The following RPS6KA2 variants were observed in gnomAD, a reference collection of about 807,000 sequenced individuals.
RPS6KA2 encodes ribosomal protein S6 kinase alpha-2.
In RPS6KA2, 42 loss-of-function variants were observed where a neutral mutation model predicts 91.8. The observed-to-expected ratio is 0.46, with a 90% CI of 0.36 to 0.59. The LOEUF is 0.59. RPS6KA2 is among the 20% of genes least tolerant of loss of function. The pLI is 0.00. For missense variants in RPS6KA2, 798 were observed against 978.5 expected (o/e 0.82, Z 2.46); for synonymous variants, 414 against 393.6 (o/e 1.05, Z -0.61).
intron 2 of RPS6KA2, among the ~76,000 whole-genome samples, chr6:166,722,549 C>G (rs78971160): frequency 0.14 from 21,606 of 152,262 alleles, 1,638 homozygotes; most frequent in Admixed American, 0.18. Context: ...ACTTCCAAGA[C>G]TGGTGGCTGC....
chr6:166,463,222 T>A (rs1345392358), intron 11 of RPS6KA2: 1 of 152,260 alleles, frequency 6.6e-6, no homozygotes, highest in Non-Finnish European at 1.5e-5. Context: ...TAAGAACGGG[T>A]TTGAGGCTTT....
chr6:166,651,054 G>A (rs934169164), intron 2 of RPS6KA2, among the ~76,000 whole-genome samples: 5 of 152,212 alleles, frequency 3.3e-5, no homozygotes, highest in Non-Finnish European at 5.9e-5. Context: ...GACCCTGCCT[G>A]TCCAGCTGTG....
At chr6:166,532,946 G>C (rs925599262) in intron 2 of RPS6KA2, among the ~76,000 whole-genome samples, 1 of 152,162 alleles carries the variant, frequency 6.6e-6, no homozygotes, top group Non-Finnish European at 1.5e-5. Context: ...ACTGTGGTGG[G>C]AGACACAGGC....
intron 2 of RPS6KA2, among the ~76,000 whole-genome samples, chr6:166,728,867 A>G (rs1317484866): frequency 3.9e-5 from 6 of 152,216 alleles, no homozygotes; most frequent in Admixed American, 3.3e-4. Flanking sequence ...GGAAACAATC[A>G]TTTTAGTGTG....
intron 11 of RPS6KA2, among the ~76,000 whole-genome samples, chr6:166,469,550 AG>A (rs1562516209): frequency 6.6e-6 from 1 of 152,146 alleles, no homozygotes; most frequent in Non-Finnish European, 1.5e-5. Flanking sequence ...GAGTGGGTGC[AG>A]GGAGGACAGA....
chr6:166,856,883 G>A (rs1308290936), intron 2 of RPS6KA2, among the ~76,000 whole-genome samples: 1 of 152,160 alleles, frequency 6.6e-6, no homozygotes. Context: ...CAAAAGCAGC[G>A]CTATCTACTT....
At chr6:166,525,780 C>T (rs774567960) in intron 3 of RPS6KA2, among the ~76,000 whole-genome samples, 3 of 152,174 alleles carry the variant, frequency 2.0e-5, no homozygotes, top group Admixed American at 6.5e-5. Flanking sequence ...AGCATCCCTG[C>T]GGCTGTTACC....
intron 2 of RPS6KA2, among the ~76,000 whole-genome samples, chr6:166,845,261 G>GC (rs1780577860): frequency 6.6e-6 from 1 of 152,128 alleles, no homozygotes; most frequent in African/African-American, 2.4e-5. Context: ...CACAGTAATA[G>GC]TGGGGGACTT....
At chr6:166,587,000 G>C (rs1400008362) in intron 1 of RPS6KA2, among the ~76,000 whole-genome samples, 1 of 152,116 alleles carries the variant, frequency 6.6e-6, no homozygotes, top group Non-Finnish European at 1.5e-5. Context: ...AAAGAAGCAG[G>C]TGCTTCTTTC....
At chr6:166,526,341 C>CTTTTTTTT (rs10616497) in intron 3 of RPS6KA2, among the ~76,000 whole-genome samples, 11 of 101,866 alleles carry the variant, frequency 1.1e-4, no homozygotes, top group East Asian at 3.3e-4. Flanking sequence ...GTTTATATGG[C>CTTTTTTTT]TTTTTTTTTT....
chr6:166,572,419 G>A (rs1257141082), intron 1 of RPS6KA2, among the ~76,000 whole-genome samples: 1 of 152,248 alleles, frequency 6.6e-6, no homozygotes, highest in African/African-American at 2.4e-5. Context: ...GAAGGTGGCT[G>A]GTGGCCTCTC....
At position 166,671,863 on chromosome 6, in the gene RPS6KA2, T is replaced by G. The variant is rs926878962; in HGVS notation, c.124-133079A>C. 1.1e-4 allele frequency among the ~76,000 whole-genome samples: 17 copies of G among 152,188 alleles called. No homozygotes were observed. The East Asian group carries it at 3.3e-3, about 29-fold the overall frequency. ...ATCTCACACCAGTAAGTCAGCAGCC[T>G]CAGAGATGCAAATTGGGTGGGGCAG... is the stretch of plus-strand genomic sequence containing the variant. On this transcript the variant is annotated intron_variant, in intron 2 of 21. Transcript: ENST00000503859.
chr6:166,540,446 G>A (rs1057265700), intron 1 of RPS6KA2, among the ~76,000 whole-genome samples: 3 of 59,004 alleles, frequency 5.1e-5, no homozygotes, highest in African/African-American at 2.5e-4. Context: ...TGTAAAAACA[G>A]TGGTTTTTTT....
At chr6:166,705,675 A>T (rs1336407958) in intron 2 of RPS6KA2, among the ~76,000 whole-genome samples, 2 of 152,246 alleles carry the variant, frequency 1.3e-5, no homozygotes, top group African/African-American at 4.8e-5. Flanking sequence ...GATAAAAAAC[A>T]TCCTTATTGG....
intron 2 of RPS6KA2, among the ~76,000 whole-genome samples, chr6:166,534,208 C>T (rs1278455634): frequency 5.4e-5 from 6 of 111,906 alleles, no homozygotes; most frequent in Admixed American, 4.1e-4. Context: ...GGCGAAACAG[C>T]GAGACTCTGT....
At chr6:166,617,825 G>A (rs1786474604) in intron 1 of RPS6KA2, among the ~76,000 whole-genome samples, 1 of 152,262 alleles carries the variant, frequency 6.6e-6, no homozygotes, top group African/African-American at 2.4e-5. Context: ...AGCCACAGCT[G>A]TCTGTGGCTG....
At chr6:166,685,461 G>A (rs992313208) in intron 2 of RPS6KA2, among the ~76,000 whole-genome samples, 2 of 152,220 alleles carry the variant, frequency 1.3e-5, no homozygotes, top group African/African-American at 4.8e-5. Flanking sequence ...CAGACACTCG[G>A]GACAAGAGTC....
chr6:166,435,937 C>T lies in RPS6KA2; in HGVS notation c.1333-3447G>A, dbSNP rs922418591. On this transcript the variant is annotated intron_variant, in intron 14 of 20. Transcript: ENST00000265678. This position sits in a 1 kb window ranked among gnomAD's most constrained non-coding sequence, Gnocchi z 4.3. ...GAGCCCCAGCTGAGACCTGGCCTCC[C>T]TGTCCACTCCCTGTGGGGTTGCAGG... 4.6e-5 allele frequency among the ~76,000 whole-genome samples: 7 copies of T among 152,242 alleles called. No homozygotes were observed. Among genetic ancestry groups the T allele is most frequent in the African/African-American group, 1.7e-4 (7 of 41,468 alleles).
chr6:166,841,075 A>G (rs1396830507), intron 2 of RPS6KA2, among the ~76,000 whole-genome samples: 2 of 151,780 alleles, frequency 1.3e-5, no homozygotes, highest in African/African-American at 4.8e-5. Context: ...TGAGGTTGGG[A>G]GTTCAAGACC....
Sources: gnomAD v4.1 joint callset for allele counts (sites outside exome capture counted in the v4.1 genomes callset) on GRCh38, gnomAD v4.1.1 for gene constraint, Gnocchi (gnomAD v3.1) non-coding constraint, MANE v1.5 for transcripts, NCBI Gene and HGNC (gene_info 2026-07-23, HGNC 2026-07-21) for gene names.